The following PTK2B variants were observed in gnomAD, a reference collection of about 807,000 sequenced individuals.
PTK2B encodes the protein protein tyrosine kinase 2 beta.
In PTK2B, 71 loss-of-function variants were observed where a neutral mutation model predicts 142.9. The observed-to-expected ratio is 0.50, with a 90% confidence interval of 0.41 to 0.61. The LOEUF is 0.61. Ranked by LOEUF, PTK2B falls within the 20% of genes least tolerant of loss-of-function variation. The pLI is 0.00. For missense variants in PTK2B, 1,105 were observed against 1,320.4 expected (o/e 0.84, Z 2.53); for synonymous variants, 519 against 503.4 (o/e 1.03, Z -0.42).
intron 1 of PTK2B, among the ~76,000 whole-genome samples, chr8:27,379,690 T>C (rs1429937): frequency 0.85 from 129,219 of 152,088 alleles, 55,482 homozygotes; most frequent in Middle Eastern, 0.96. Flanking sequence ...TTTTAGCACA[T>C]GCAAGTTAAT....
At chr8:27,410,656 A>T (rs990034841) in intron 2 of PTK2B, among the ~76,000 whole-genome samples, 3 of 152,262 alleles carry the variant, frequency 2.0e-5, no homozygotes, top group Admixed American at 6.5e-5. Flanking sequence ...ATCACTGAAG[A>T]AAGTTATAAA....
intron 1 of PTK2B, among the ~76,000 whole-genome samples, chr8:27,390,996 A>T (rs188507199): frequency 1.3e-5 from 2 of 152,292 alleles, no homozygotes; most frequent in East Asian, 3.9e-4. Flanking sequence ...GAATGAGTTA[A>T]ATGTACGCGC....
intron 1 of PTK2B, among the ~76,000 whole-genome samples, chr8:27,365,153 A>G (rs1027709906): frequency 4.6e-5 from 7 of 152,216 alleles, no homozygotes; most frequent in Non-Finnish European, 8.8e-5. Context: ...TTCTTCACCC[A>G]TGCTGCTCCC....
intron 3 of PTK2B, among the ~76,000 whole-genome samples, chr8:27,315,627 T>G (rs1803078621): frequency 6.6e-6 from 1 of 151,896 alleles, no homozygotes; most frequent in Non-Finnish European, 1.5e-5. Flanking sequence ...CTTATTTTGT[T>G]GGGTCTTTTT....
chr8:27,347,217 A>AAC (rs1455197136), intron 1 of PTK2B, among the ~76,000 whole-genome samples: 1 of 151,128 alleles, frequency 6.6e-6, no homozygotes, highest in Non-Finnish European at 1.5e-5. Flanking sequence ...TCTCTACTAA[A>AAC]AAAAAAAAAA....
intron 1 of PTK2B, among the ~76,000 whole-genome samples, chr8:27,360,679 A>G (rs976045160): frequency 7.2e-5 from 11 of 152,150 alleles, no homozygotes; most frequent in African/African-American, 1.7e-4. Context: ...GCCCCAATAC[A>G]CTGTGAACTA....
intron 2 of PTK2B, among the ~76,000 whole-genome samples, chr8:27,410,314 T>C (rs916659752): frequency 2.0e-5 from 3 of 151,662 alleles, no homozygotes; most frequent in Admixed American, 6.6e-5. Context: ...TGGGCTGCGA[T>C]GCAGCCACAG....
In PTK2B at chr8:27,342,254, TTTC is replaced by T. The variant is rs1039632381; in HGVS notation, c.-38+16581_-38+16583del. Among the ~76,000 whole-genome samples, 12 of 152,238 alleles carry T rather than the reference TTTC, an allele frequency of 7.9e-5. 1 individual carries two copies. The highest frequency in any genetic ancestry group is 4.6e-4 in the Admixed American group (7 of 15,302). ...GTCTGCTGTTGTGCCCAGGCAGTCA[TTTC>T]TTCTTCTCTTTGGTTTTGCTTTACT... On this transcript the variant is annotated intron_variant, in intron 1 of 30. Coordinates refer to ENST00000346049, the MANE Select transcript of PTK2B (RefSeq NM_173176.3).
intron 1 of PTK2B, among the ~76,000 whole-genome samples, chr8:27,367,164 A>G (rs891983244): frequency 1.3e-5 from 2 of 152,252 alleles, no homozygotes; most frequent in African/African-American, 4.8e-5. Flanking sequence ...TTAAACACAC[A>G]CGCACACATG....
chr8:27,419,879 C>G lies in PTK2B; in HGVS notation c.205-16C>G, dbSNP rs200137260. On this transcript the variant is annotated splice_polypyrimidine_tract_variant and intron_variant, in intron 2 of 30. Transcript: ENST00000346049. ...GTGGGCACCCCTGAGTCATGCCTCT[C>G]TCTTCTCCTCTGCAGGAGATCATCA... is the stretch of plus-strand genomic sequence containing the variant. 622 of 1,613,774 alleles carry G rather than the reference C, an allele frequency of 3.9e-4. 3 individuals are homozygous for G. The highest frequency in any genetic ancestry group is 5.8e-4 in the Admixed American group (35 of 60,008).
At chr8:27,419,030 G>GA (rs5890369) in intron 2 of PTK2B, among the ~76,000 whole-genome samples, 26 of 150,132 alleles carry the variant, frequency 1.7e-4, no homozygotes, top group African/African-American at 3.9e-4. Flanking sequence ...TCCATCTCAA[G>GA]AAAAAAAAAA....
chr8:27,449,048 T>C (rs1586353942), intron 24 of PTK2B, among the ~76,000 whole-genome samples: 1 of 152,336 alleles, frequency 6.6e-6, no homozygotes, highest in African/African-American at 2.4e-5. Context: ...GCTATAGGCA[T>C]ATATTGTGGG....
intron 2 of PTK2B, among the ~76,000 whole-genome samples, chr8:27,414,998 G>A (rs1218311053): frequency 6.6e-6 from 1 of 152,200 alleles, no homozygotes; most frequent in Admixed American, 6.5e-5. Flanking sequence ...TGTTTTCCCA[G>A]TCTGGTTTAC....
intron 1 of PTK2B, among the ~76,000 whole-genome samples, chr8:27,385,373 C>T (rs1254639272): frequency 6.6e-6 from 1 of 152,198 alleles, no homozygotes; most frequent in Non-Finnish European, 1.5e-5. Flanking sequence ...ACACTCTGGG[C>T]TCTTGGAGAA....
chr8:27,376,019 G>T (rs528192117), intron 1 of PTK2B, among the ~76,000 whole-genome samples: 2 of 152,252 alleles, frequency 1.3e-5, no homozygotes, highest in Non-Finnish European at 2.9e-5. Flanking sequence ...GTTTGTGGTT[G>T]CCACCTCAGC....
rs1811779114 is a variant in PTK2B at position 27,451,095 on chromosome 8, G to A, written c.2523+17G>A. 1 of 1,609,834 alleles carries A rather than the reference G, an allele frequency of 6.2e-7. No individual in the cohort carries two copies. Among genetic ancestry groups the A allele is most frequent in the South Asian group, 1.1e-5 (1 of 90,984 alleles). On this transcript the variant is annotated intron_variant, in intron 26 of 30. Transcript: ENST00000346049. ...TCCCCATTGGTGAGTTGCCAGGAGA[G>A]GCCGCCTCCTCCATGCCAAGGCCTG... is the stretch of plus-strand genomic sequence containing the variant.
At position 27,411,448 on chromosome 8, in the gene PTK2B, A is replaced by G. The variant is rs139940715; in HGVS notation, c.205-8447A>G. On this transcript the variant is annotated intron_variant, in intron 2 of 30. Coordinates refer to ENST00000346049, the MANE Select transcript of PTK2B (RefSeq NM_173176.3). ...AAGGAGCTCCTTGAGGCAAGGGCCT[A>G]TGTGTGTGCACGAGAGCCCCTATCT... Among the ~76,000 whole-genome samples the G allele has an allele frequency of 7.2e-5, 11 of 152,272 alleles. No homozygotes were observed. In the South Asian group the frequency reaches 2.3e-3, roughly 32 times the overall value.
intron 3 of PTK2B, among the ~76,000 whole-genome samples, chr8:27,314,302 C>T (rs911207711): frequency 6.6e-6 from 1 of 152,216 alleles, no homozygotes; most frequent in African/African-American, 2.4e-5. Flanking sequence ...CATGGCGGAT[C>T]GGGCCAGGTG....
At chr8:27,395,966 A>T (rs937085607) in intron 1 of PTK2B, 11 of 152,206 alleles carry the variant, frequency 7.2e-5, no homozygotes, top group African/African-American at 2.7e-4. Context: ...GGATACCTCT[A>T]GAATAGACAG....
Sources: gnomAD v4.1 joint callset for allele counts (sites outside exome capture counted in the v4.1 genomes callset) on GRCh38, gnomAD v4.1.1 for gene constraint, MANE v1.5 for transcripts, NCBI Gene and HGNC (gene_info 2026-07-23, HGNC 2026-07-21) for gene names.